Variants in AP3D1 observed in about 807,000 individuals in gnomAD.
AP3D1 encodes adaptor related protein complex 3 subunit delta 1, also known as AP-3 complex subunit delta-1.
AP3D1 carries 51 observed loss-of-function variants against 147.6 expected under a neutral mutation model. That is an observed-to-expected ratio of 0.35 (90% CI 0.28 to 0.44). AP3D1 has a LOEUF of 0.44. AP3D1 is among the 20% of genes least tolerant of loss of function. The pLI is 1.00. For missense variants in AP3D1, 1,421 were observed against 1,624.2 expected, an observed-to-expected ratio of 0.87 and a Z score of 2.15; for synonymous variants, 760 against 663.0, an observed-to-expected ratio of 1.15 and a Z score of -2.25.
intron 1 of AP3D1, among the ~76,000 whole-genome samples, chr19:2,149,917 A>T (rs2019460393): frequency 1.3e-5 from 2 of 152,238 alleles, no homozygotes; most frequent in African/African-American, 4.8e-5. Flanking sequence ...ACTCACAAAG[A>T]ATCTGAACAT....
intron 20 of AP3D1, 57 bp downstream of exon 20, chr19:2,115,162 G>C (rs2145039759): frequency 1.3e-6 from 2 of 1,550,010 alleles, no homozygotes; most frequent in East Asian, 4.5e-5. Flanking sequence ...ATGGCCCCAG[G>C]ACACACACAT....
Position 2,115,596 on chromosome 19 carries a change from C to T in AP3D1, c.2091G>A (p.Pro697=), listed in dbSNP as rs772525867. Residue 697 remains proline, a synonymous_variant, in exon 19 of 32, where the codon CCG becomes CCA. Transcript: ENST00000643116. The part of the protein sequence containing the change: ...PSPQKRYQDT[P]GVEHIPVVQI... Reference sequence around the variant, plus strand: ...GCACCACGGGAATGTGCTCCACGCCCGGGGTGTCCTGGTACCGCTGCAAAG... The same window carrying T: ...GCACCACGGGAATGTGCTCCACGCCTGGGGTGTCCTGGTACCGCTGCAAAG... The T allele has an allele frequency of 1.9e-5, 31 of 1,612,772 alleles. No homozygotes were observed. The Middle Eastern group carries it at 6.6e-4, about 34-fold the overall frequency.
chr19:2,108,036 C>A (rs1456193238), intron 31 of AP3D1, among the ~76,000 whole-genome samples: 1 of 152,156 alleles, frequency 6.6e-6, no homozygotes, highest in Non-Finnish European at 1.5e-5. Context: ...AAGGAACTCC[C>A]CAGGCCCGAT....
intron 6 of AP3D1, 65 bp from the exon 7 acceptor site, chr19:2,129,522 T>A: frequency 6.4e-7 from 1 of 1,550,434 alleles, no homozygotes; most frequent in Non-Finnish European, 8.7e-7. Context: ...CCTACTGTCT[T>A]CCTGGCCCGC....
chr19:2,121,451 C>T (rs2018609085), intron 12 of AP3D1, 140 bp from the exon 13 acceptor site: 1 of 1,197,082 alleles, frequency 8.4e-7, no homozygotes, highest in Non-Finnish European at 1.2e-6. Flanking sequence ...AGGGAGGCAG[C>T]AGGCCCCTGC....
intron 1 of AP3D1, among the ~76,000 whole-genome samples, chr19:2,142,103 C>T (rs186458953): frequency 8.6e-5 from 13 of 150,630 alleles, no homozygotes; most frequent in East Asian, 2.0e-4. Flanking sequence ...CTGTAACCTC[C>T]GCCTCCCGGG....
rs2018231395 is a variant in AP3D1, at chr19:2,110,205, C to G, written c.3195G>C (p.Gln1065His). 6.2e-7 allele frequency: 1 copy of G among 1,612,336 alleles called. No individual in the cohort carries two copies. Among genetic ancestry groups the G allele is most frequent in the African/African-American group, 1.3e-5 (1 of 74,876 alleles). ...QLPPGVSNEA[Q>H]YVFTIQSIVM... is the part of the protein sequence containing the mutation. ...CGATGCTCTGGATGGTGAACACATA[C>G]TGGGCTTCGTTGGAGACGCCTGGCG... is the stretch of plus-strand genomic sequence containing the variant. Residue 1065 changes from glutamine to histidine, a missense_variant, in exon 28 of 32, where the codon CAG becomes CAC. Physicochemically the swap from Gln to His is conservative, Grantham distance 24. Coordinates refer to ENST00000643116, the MANE Select transcript of AP3D1 (RefSeq NM_001261826.3).
At chr19:2,135,934 G>A (rs988530511) in intron 4 of AP3D1, among the ~76,000 whole-genome samples, 6 of 150,928 alleles carry the variant, frequency 4.0e-5, no homozygotes, top group African/African-American at 9.8e-5. Context: ...TCCTCTTAGC[G>A]GGCCAGACTC....
At chr19:2,135,770 G>C (rs2019059819) in intron 4 of AP3D1, among the ~76,000 whole-genome samples, 1 of 152,144 alleles carries the variant, frequency 6.6e-6, no homozygotes, top group Admixed American at 6.5e-5. Context: ...GCTCACACAG[G>C]GACCGGCCGT....
At chr19:2,124,847 G>A (rs2018708028) in intron 9 of AP3D1, among the ~76,000 whole-genome samples, 1 of 152,200 alleles carries the variant, frequency 6.6e-6, no homozygotes, top group African/African-American at 2.4e-5. Context: ...GGCTGAGGCA[G>A]GAGAATCGCT....
intron 9 of AP3D1, 81 bp downstream of exon 9, chr19:2,127,071 G>T: frequency 1.3e-6 from 2 of 1,483,522 alleles, no homozygotes; most frequent in East Asian, 2.3e-5. Flanking sequence ...GAGACACCAG[G>T]CCTGGCGCCC....
chr19:2,117,180 G>C, intron 16 of AP3D1, 42 bp downstream of exon 16: 2 of 1,549,906 alleles, frequency 1.3e-6, no homozygotes, highest in Non-Finnish European at 1.7e-6. Context: ...AAGGGACCAT[G>C]TCAGGGCCAT....
At chr19:2,130,584 C>T (rs772826543) in intron 5 of AP3D1, 47 bp from the exon 6 acceptor site, 1 of 1,607,280 alleles carries the variant, frequency 6.2e-7, no homozygotes, top group African/African-American at 1.3e-5. Flanking sequence ...TGCGCCTCAT[C>T]CCTGCTCTCG....
chr19:2,116,181 G>A (rs2145044957), intron 18 of AP3D1, 26 bp downstream of exon 18: 1 of 1,611,010 alleles, frequency 6.2e-7, no homozygotes. Flanking sequence ...GGTGCTGAGG[G>A]ACAGGCACCC....
chr19:2,140,283 TG>T (rs1445654496), intron 1 of AP3D1, among the ~76,000 whole-genome samples: 1 of 152,116 alleles, frequency 6.6e-6, no homozygotes, highest in Non-Finnish European at 1.5e-5. Flanking sequence ...CGGTTCCATG[TG>T]GAGTTACCGC....
chr19:2,113,359 C>A lies in AP3D1; in HGVS notation c.2656G>T (p.Ala886Ser). ...ACCGTGGATGGAACGGGGGCGGGGGCGGGGGCGGGGGCAGGCGGTGGGGTG... is the reference window on the plus strand; with the variant it reads ...ACCGTGGATGGAACGGGGGCGGGGGAGGGGGCGGGGGCAGGCGGTGGGGTG... ...STTPPPAPAP[A>S]PAPVPSTGEL... The change falls in exon 23 of 32, where the codon GCC becomes TCC. Residue 886 changes from alanine (A) to serine (S), a missense_variant. Ala to Ser is a moderately conservative substitution (Grantham distance 99). Transcript: ENST00000643116. The A allele has an allele frequency of 1.1e-5, 2 of 188,466 alleles. No homozygotes were observed. Among genetic ancestry groups the A allele is most frequent in the Non-Finnish European group, 6.9e-6 (1 of 145,984 alleles). 11.7% of individuals were successfully genotyped at this position (188,466 alleles called of 1,614,324 possible).
chr19:2,128,635 C>CGCA (rs1378236979), intron 8 of AP3D1, among the ~76,000 whole-genome samples: 7 of 14,474 alleles, frequency 4.8e-4, no homozygotes, highest in African/African-American at 7.9e-4. Flanking sequence ...GCCCCCGCCG[C>CGCA]TCCGACACTG....
chr19:2,163,582 TG>T (rs1217274818), intron 1 of AP3D1, among the ~76,000 whole-genome samples: 1 of 151,530 alleles, frequency 6.6e-6, no homozygotes, highest in Non-Finnish European at 1.5e-5. Context: ...GTGACTCTTA[TG>T]GGGGGAAATT....
chr19:2,139,277 C>T (rs191603009), intron 1 of AP3D1, among the ~76,000 whole-genome samples: 37 of 152,112 alleles, frequency 2.4e-4, no homozygotes, highest in African/African-American at 8.7e-4. Context: ...CACAGCATTC[C>T]GCTATACACG....
Sources: gnomAD v4.1 joint callset for allele counts (sites outside exome capture counted in the v4.1 genomes callset) on GRCh38, gnomAD v4.1.1 for gene constraint, MANE v1.5 for transcripts, NCBI Gene and HGNC (gene_info 2026-07-23, HGNC 2026-07-21) for gene names.